Variants in MDFIC observed in about 807,000 individuals in gnomAD.
The protein encoded by MDFIC is myoD family inhibitor domain-containing protein.
A neutral mutation model predicts 23.2 loss-of-function variants in MDFIC; 17 were observed. That is an observed-to-expected ratio of 0.73 (90% CI 0.50 to 1.10). The LOEUF (loss-of-function observed/expected upper bound fraction) is 1.10. MDFIC is among the 50% of genes least tolerant of loss of function. The pLI, the probability that MDFIC is intolerant of heterozygous loss-of-function variation, is 0.00. For synonymous variants in MDFIC, 120 were observed against 115.2 expected, an observed-to-expected ratio of 1.04 and a Z score of -0.27; for missense variants, 356 against 316.6, an observed-to-expected ratio of 1.12 and a Z score of -0.95.
rs112958987 is a variant in MDFIC, at chr7:115,016,681, T to TAAACAAACAAAC, written c.*749_*750insCAAACAAACAAA. 48 of 155,308 alleles carry TAAACAAACAAAC rather than the reference T, an allele frequency of 3.1e-4. No homozygotes were observed. Among genetic ancestry groups the TAAACAAACAAAC allele is most frequent in the African/African-American group, 1.2e-3 (47 of 40,334 alleles). 9.6% of individuals were successfully genotyped at this position (155,308 alleles called of 1,614,324 possible). ...ATAAATAAATAAATAAATAAATAAA[T>TAAACAAACAAAC]AAATAAACAAACCAGTCTTTATTTT... On this transcript the variant is annotated 3_prime_UTR_variant, in exon 5 of 5. Transcript: ENST00000393486.
chr7:114,926,684 A>G (rs891852352), intron 2 of MDFIC, among the ~76,000 whole-genome samples: 13 of 152,352 alleles, frequency 8.5e-5, no homozygotes, highest in Admixed American at 5.9e-4. Flanking sequence ...GTTAATTAAA[A>G]ATAATCTAAA....
intron 4 of MDFIC, among the ~76,000 whole-genome samples, chr7:115,010,198 C>T (rs914438124): frequency 6.6e-5 from 10 of 152,130 alleles, no homozygotes; most frequent in African/African-American, 2.4e-4. Context: ...CTCTTTGCCT[C>T]AAATAAAACC....
chr7:114,922,435 G>A lies in MDFIC; in HGVS notation c.-309G>A, dbSNP rs1002373465. ...GGGCGGAGTGCGCGGAGTCAGAGCCGCCACCGCTGCCGCAGTTGCCGCCAC... is the reference window on the plus strand; with the variant it reads ...GGGCGGAGTGCGCGGAGTCAGAGCCACCACCGCTGCCGCAGTTGCCGCCAC... On this transcript the variant is annotated 5_prime_UTR_variant, in exon 1 of 5. Coordinates refer to ENST00000393486, the MANE Select transcript of MDFIC (RefSeq NM_001166345.3). 2.9e-5 allele frequency: 36 copies of A among 1,241,874 alleles called. No individual in the cohort carries two copies. The highest frequency in any genetic ancestry group is 3.5e-5 in the Non-Finnish European group (35 of 988,972). The allele number at this position is 1,241,874 out of a possible 1,614,324, so 76.9% of individuals were successfully genotyped here.
intron 4 of MDFIC, chr7:115,014,674 C>A: frequency 2.0e-6 from 1 of 509,784 alleles, no homozygotes; most frequent in Non-Finnish European, 2.9e-6. Context: ...GGTAAAAATT[C>A]ACAACTATTT....
At chr7:115,011,831 C>T (rs1209178471) in intron 4 of MDFIC, among the ~76,000 whole-genome samples, 3 of 152,204 alleles carry the variant, frequency 2.0e-5, no homozygotes, top group South Asian at 2.1e-4. Flanking sequence ...GATCTCACAC[C>T]AGTCACATCC....
At chr7:114,979,807 T>C in intron 4 of MDFIC, 26 bp downstream of exon 4, 2 of 1,602,210 alleles carry the variant, frequency 1.2e-6, no homozygotes, top group Non-Finnish European at 1.7e-6. Flanking sequence ...ATGTAGATTT[T>C]ATTTGACCAG....
chr7:114,988,338 ACT>A (rs1204147043), intron 4 of MDFIC, among the ~76,000 whole-genome samples: 3 of 152,124 alleles, frequency 2.0e-5, no homozygotes, highest in Admixed American at 6.6e-5. Flanking sequence ...AAATCCTATG[ACT>A]CTACTAATGC....
intron 3 of MDFIC, among the ~76,000 whole-genome samples, chr7:114,976,390 T>C (rs921710612): frequency 1.3e-5 from 2 of 152,156 alleles, no homozygotes; most frequent in Non-Finnish European, 2.9e-5. Flanking sequence ...TTTTTAAATA[T>C]GTATGCATAA....
chr7:114,969,760 A>G (rs1157763231), intron 3 of MDFIC, among the ~76,000 whole-genome samples: 1 of 152,192 alleles, frequency 6.6e-6, no homozygotes, highest in African/African-American at 2.4e-5. Flanking sequence ...ATGAGATCCA[A>G]TGATCCCTCA....
chr7:114,972,074 G>A (rs997981649), intron 3 of MDFIC, among the ~76,000 whole-genome samples: 9 of 152,208 alleles, frequency 5.9e-5, no homozygotes, highest in African/African-American at 9.6e-5. Flanking sequence ...AGGCCTCCCC[G>A]TACATAGGAG....
chr7:115,006,234 C>G (rs1480681741), intron 4 of MDFIC, among the ~76,000 whole-genome samples: 3 of 152,168 alleles, frequency 2.0e-5, no homozygotes, highest in African/African-American at 7.2e-5. Flanking sequence ...TGAGCCCTGG[C>G]TGGTCAAGTG....
chr7:115,014,816 A>G (rs1585125657), intron 4 of MDFIC, among the ~76,000 whole-genome samples: 1 of 152,236 alleles, frequency 6.6e-6, no homozygotes, highest in East Asian at 1.9e-4. Flanking sequence ...AATGGACATT[A>G]GAACATTAGA....
At chr7:114,967,112 G>A (rs1415701567) in intron 3 of MDFIC, among the ~76,000 whole-genome samples, 1 of 152,160 alleles carries the variant, frequency 6.6e-6, no homozygotes, top group Non-Finnish European at 1.5e-5. Context: ...TGATGCAGTT[G>A]AAATTGCTTG....
intron 2 of MDFIC, among the ~76,000 whole-genome samples, chr7:114,936,648 A>G (rs1220949147): frequency 6.6e-6 from 1 of 152,126 alleles, no homozygotes. Context: ...ATTTTGGAGA[A>G]AGGCTGAGTA....
intron 3 of MDFIC, among the ~76,000 whole-genome samples, chr7:114,972,862 C>T (rs902788204): frequency 6.6e-6 from 1 of 152,110 alleles, no homozygotes; most frequent in East Asian, 1.9e-4. Flanking sequence ...AAGTGATCCT[C>T]CGACCTCAGC....
chr7:114,963,136 A>G (rs775217058), intron 3 of MDFIC, among the ~76,000 whole-genome samples: 2 of 152,168 alleles, frequency 1.3e-5, no homozygotes, highest in Non-Finnish European at 2.9e-5. Flanking sequence ...ATTTCTGGTC[A>G]GTTATACTGA....
intron 4 of MDFIC, among the ~76,000 whole-genome samples, chr7:115,000,391 AT>A (rs1001585667): frequency 6.6e-6 from 1 of 152,180 alleles, no homozygotes; most frequent in Non-Finnish European, 1.5e-5. Flanking sequence ...GTGTCCCTGT[AT>A]TTAAACATAA....
chr7:114,979,985 A>T (rs1793390413), intron 4 of MDFIC: 4 of 658,616 alleles, frequency 6.1e-6, no homozygotes, highest in African/African-American at 3.6e-5. Context: ...GCTTTTAGAT[A>T]ATCGTCTTCT....
intron 4 of MDFIC, among the ~76,000 whole-genome samples, chr7:115,000,955 T>C (rs1374305578): frequency 1.3e-5 from 2 of 152,188 alleles, no homozygotes; most frequent in Admixed American, 6.5e-5. Flanking sequence ...GGGATTTTAA[T>C]TGATATGCAA....
Sources: gnomAD v4.1 joint callset for allele counts (sites outside exome capture counted in the v4.1 genomes callset) on GRCh38, gnomAD v4.1.1 for gene constraint, MANE v1.5 for transcripts, NCBI Gene and HGNC (gene_info 2026-07-23, HGNC 2026-07-21) for gene names.